BNIPL: variants seen among roughly 807,000 people sequenced by gnomAD.
The protein encoded by BNIPL is BCL2 interacting protein like, also known as bcl-2/adenovirus E1B 19 kDa-interacting protein 2-like protein.
A neutral mutation model predicts 47.0 loss-of-function variants in BNIPL; 33 were observed. That is an observed-to-expected ratio of 0.70 (90% CI 0.53 to 0.94). The LOEUF is 0.94. Ranked by LOEUF, BNIPL falls within the 40% of genes least tolerant of loss-of-function variation. BNIPL has a pLI of 0.00. For missense variants in BNIPL, 404 were observed against 445.2 expected, an observed-to-expected ratio of 0.91 and a Z score of 0.83; for synonymous variants, 145 against 162.7, an observed-to-expected ratio of 0.89 and a Z score of 0.83.
At position 151,038,508 on chromosome 1, in the gene BNIPL, C is replaced by T; in HGVS notation, c.142C>T (p.Leu48Phe). ...EWQDEEFPRL[L>F]PEEAGTSEDP... Reference sequence around the variant, plus strand: ...TTTTAATCTCTTCCCCTCTAGATTGCTTCCTGAGGAGGCTGGCACTTCTGA... The same window carrying T: ...TTTTAATCTCTTCCCCTCTAGATTGTTTCCTGAGGAGGCTGGCACTTCTGA... The change falls in exon 3 of 10, where the codon CTT becomes TTT. Residue 48 changes from leucine to phenylalanine, a missense_variant. By Grantham distance (22) the Leu-to-Phe change is conservative. Coordinates refer to ENST00000368931, the MANE Select transcript of BNIPL (RefSeq NM_138278.4). 9 of 1,612,102 alleles carry T rather than the reference C, an allele frequency of 5.6e-6. No homozygotes were observed. The highest frequency in any genetic ancestry group is 2.2e-5 in the South Asian group (2 of 91,038).
chr1:151,036,834 C>A, intron 1 of BNIPL, 68 bp downstream of exon 1: 1 of 1,465,748 alleles, frequency 6.8e-7, no homozygotes, highest in Non-Finnish European at 9.6e-7. Context: ...TTCCCCACCA[C>A]CCAGCTCTTA....
In BNIPL at chr1:151,046,777, T is replaced by G; in HGVS notation, c.*90T>G. 8.8e-7 allele frequency: 1 copy of G among 1,138,518 alleles called. No homozygotes were observed. Among genetic ancestry groups the G allele is most frequent in the Admixed American group, 2.0e-5 (1 of 48,984 alleles). The allele number at this position is 1,138,518 out of a possible 1,614,324, so 70.5% of individuals were successfully genotyped here. On this transcript the variant is annotated 3_prime_UTR_variant, in exon 10 of 10. Transcript: ENST00000368931. The stretch of plus-strand genomic sequence containing the variant: ...ATCTGAACTGTTTTGTAAATCATCT[T>G]ATCCCCAACCTCAGTACCACCGGAT...
In BNIPL at chr1:151,036,854, A is replaced by G. The variant is rs1675616799; in HGVS notation, c.41+88A>G. On this transcript the variant is annotated intron_variant, in intron 1 of 9. Coordinates refer to ENST00000368931, the MANE Select transcript of BNIPL (RefSeq NM_138278.4). ...CACCACCCAGCTCTTACTGGGTCAAATCTCGGGTTCCTCAAGGAGACAAGA... is the reference window on the plus strand; with the variant it reads ...CACCACCCAGCTCTTACTGGGTCAAGTCTCGGGTTCCTCAAGGAGACAAGA... 4.5e-6 allele frequency: 6 copies of G among 1,331,620 alleles called. No individual in the cohort carries two copies. In the African/African-American group the frequency reaches 7.2e-5, roughly 16 times the overall value. The allele number at this position is 1,331,620 out of a possible 1,614,324, so 82.5% of individuals were successfully genotyped here.
intron 4 of BNIPL, 120 bp from the exon 5 acceptor site, chr1:151,042,836 A>C: frequency 6.3e-6 from 5 of 792,506 alleles, no homozygotes; most frequent in Non-Finnish European, 9.5e-6. Context: ...AAAAAAAAAG[A>C]ATCAAGGAAA....
At chr1:151,044,920 A>G in intron 7 of BNIPL, 2 of 1,290,638 alleles carry the variant, frequency 1.5e-6, no homozygotes, top group South Asian at 1.2e-5. Flanking sequence ...ATGTAGAAGC[A>G]TGCAAAAGGA....
At position 151,047,311 on chromosome 1, in the gene BNIPL, T is replaced by G. The variant is rs1287882779; in HGVS notation, c.*624T>G. 1 of 153,474 alleles carries G rather than the reference T, an allele frequency of 6.5e-6. No homozygotes were observed. Among genetic ancestry groups the G allele is most frequent in the African/African-American group, 2.4e-5 (1 of 41,436 alleles). 9.5% of individuals were successfully genotyped at this position (153,474 alleles called of 1,614,324 possible). On this transcript the variant is annotated 3_prime_UTR_variant, in exon 10 of 10. Coordinates refer to ENST00000368931, the MANE Select transcript of BNIPL (RefSeq NM_138278.4). ...AGCTGTAGAACCTTGGGCAAATAAC[T>G]TCATCTTTTTGGGTCCTAATTTTCC...
Position 151,038,796 on chromosome 1 carries a change from C to T in BNIPL, c.203C>T (p.Ala68Val). The T allele has an allele frequency of 6.4e-7, 1 of 1,572,152 alleles. No individual in the cohort carries two copies. Among genetic ancestry groups the T allele is most frequent in the East Asian group, 2.3e-5 (1 of 44,408 alleles). Reference protein sequence around the residue: ...PEDPKGDSQAAAGTPSTLALC... With the variant: ...PEDPKGDSQAVAGTPSTLALC... ...GTTCTCTTTTTCCCCCTTTCTCCAG[C>T]TGCAGGTACCCCCAGCACTTTAGCC... Residue 68 changes from alanine (A) to valine (V), a missense_variant and splice_region_variant, in exon 4 of 10, where the codon GCT becomes GTT. Transcript: ENST00000368931.
Position 151,043,616 on chromosome 1 carries a change from A to G in BNIPL, c.740A>G (p.Glu247Gly), listed in dbSNP as rs764682323. 3 of 1,611,766 alleles carry G rather than the reference A, an allele frequency of 1.9e-6. No homozygotes were observed. In the South Asian group the frequency reaches 3.3e-5, roughly 18 times the overall value. The change falls in exon 7 of 10, where the codon GAG becomes GGG. Residue 247 changes from glutamate (E) to glycine (G), a missense_variant. By Grantham distance (98) the Glu-to-Gly change is moderately conservative (BLOSUM62 -2). Transcript: ENST00000368931. ...HLFRYMVGTL[E>G]LLVAENYLLV... Reference sequence around the variant, plus strand: ...CCCAGGTATATGGTGGGAACTCTGGAGCTGCTAGTAGCTGAAAATTACCTG... The same window carrying G: ...CCCAGGTATATGGTGGGAACTCTGGGGCTGCTAGTAGCTGAAAATTACCTG...
At position 151,038,905 on chromosome 1, in the gene BNIPL, A is replaced by C. The variant is rs1675724752; in HGVS notation, c.312A>C (p.Gly104=). ...TGACTAAGGGGCCTGGAAATGATGGAGCTTCACCCACCCAGTCTGCACCTT... is the reference window on the plus strand; with the variant it reads ...TGACTAAGGGGCCTGGAAATGATGGCGCTTCACCCACCCAGTCTGCACCTT... The part of the protein sequence containing the change: ...LSLTKGPGND[G]ASPTQSAPSS... The change falls in exon 4 of 10, where the codon GGA becomes GGC. Residue 104 remains glycine, a synonymous_variant. Transcript: ENST00000368931. 2 of 1,614,034 alleles carry C rather than the reference A, an allele frequency of 1.2e-6. No individual in the cohort carries two copies. Among genetic ancestry groups the C allele is most frequent in the Non-Finnish European group, 1.7e-6 (2 of 1,179,974 alleles).
chr1:151,045,576 AAAATCTTGAGAGTTTTTTT>A, intron 7 of BNIPL: 3 of 790,356 alleles, frequency 3.8e-6, no homozygotes, highest in Non-Finnish European at 5.4e-6. Flanking sequence ...AAAAAAAAAA[AAAATCTTGAGAGTTTTTTT>A]AAAAATGAGG....
chr1:151,041,024 A>AT (rs796868259), intron 4 of BNIPL, among the ~76,000 whole-genome samples: 11 of 151,794 alleles, frequency 7.2e-5, no homozygotes, highest in Non-Finnish European at 1.2e-4. Flanking sequence ...TACAAAAAAA[A>AT]TTTTTTTTAA....
In BNIPL at chr1:151,037,788, G is replaced by A. The variant is rs975381933; in HGVS notation, c.137+126G>A. On this transcript the variant is annotated intron_variant, in intron 2 of 9. Coordinates refer to ENST00000368931, the MANE Select transcript of BNIPL (RefSeq NM_138278.4). Reference sequence around the variant, plus strand: ...GGCCGAGGCGGGTGGATCACCTGAGGTCAGGAGTTTGAGACCAGCCTGACC... The same window carrying A: ...GGCCGAGGCGGGTGGATCACCTGAGATCAGGAGTTTGAGACCAGCCTGACC... 70 of 697,766 alleles carry A rather than the reference G, an allele frequency of 1.0e-4. No homozygotes were observed. The Admixed American group carries it at 1.6e-3, about 16-fold the overall frequency. 43.2% of individuals were successfully genotyped at this position (697,766 alleles called of 1,614,324 possible).
chr1:151,044,269 G>A lies in BNIPL; in HGVS notation c.851+542G>A, dbSNP rs1675930083. ...CAAAATGCTGAGATTATAGGCATGA[G>A]CCACTGCACCCGGCCACTTCAGCTT... On this transcript the variant is annotated intron_variant, in intron 7 of 9. Transcript: ENST00000368931. Among the ~76,000 whole-genome samples the A allele has an allele frequency of 2.0e-5, 3 of 152,226 alleles. No homozygotes were observed. The South Asian group carries it at 6.2e-4, about 31-fold the overall frequency.
At position 151,036,651 on chromosome 1, in the gene BNIPL, GTGT is replaced by G; in HGVS notation, c.-72_-70del. ...GCTGAGACAGAAAAGAGGTAAGGAA[GTGT>G]TGGGGGCTGGGACAACCAGCTCCCC... is the stretch of plus-strand genomic sequence containing the variant. On this transcript the variant is annotated 5_prime_UTR_variant, in exon 1 of 10. Transcript: ENST00000368931. 7 of 1,319,766 alleles carry G rather than the reference GTGT, an allele frequency of 5.3e-6. No individual in the cohort carries two copies. The highest frequency in any genetic ancestry group is 7.7e-6 in the Non-Finnish European group (7 of 912,950). 81.8% of individuals were successfully genotyped at this position (1,319,766 alleles called of 1,614,324 possible).
chr1:151,037,338 A>G, intron 1 of BNIPL: 1 of 1,242,566 alleles, frequency 8.0e-7, no homozygotes, highest in Non-Finnish European at 1.0e-6. Context: ...TACAGAGGTA[A>G]ATATGATTAA....
intron 4 of BNIPL, among the ~76,000 whole-genome samples, 189 bp downstream of exon 4, chr1:151,039,215 G>T (rs1675737675): frequency 6.6e-6 from 1 of 152,086 alleles, no homozygotes; most frequent in Admixed American, 6.6e-5. Context: ...GAGGGGGAGG[G>T]GAGCCCATTG....
Position 151,038,804 on chromosome 1 carries a change from AC to A in BNIPL, c.216del (p.Ser73AlafsTer3). On this transcript the variant is annotated frameshift_variant, in exon 4 of 10. Transcript: ENST00000368931. LOFTEE classifies it high-confidence loss of function. The part of the protein sequence containing the change: ...PKGDSQAAAG[T>X]PSTLALCGQR... The stretch of plus-strand genomic sequence containing the variant: ...TTTCCCCCTTTCTCCAGCTGCAGGT[AC>A]CCCCAGCACTTTAGCCCTGTGTGGC... 6.3e-7 allele frequency: 1 copy of A among 1,576,626 alleles called. No individual in the cohort carries two copies. Among genetic ancestry groups the A allele is most frequent in the Non-Finnish European group, 8.6e-7 (1 of 1,161,202 alleles).
In BNIPL at chr1:151,046,065, A is replaced by T. The variant is rs755358962; in HGVS notation, c.939-2A>T. On this transcript the variant is annotated splice_acceptor_variant, in intron 8 of 9. Transcript: ENST00000368931. LOFTEE classifies it high-confidence loss of function. ...CACAGTTGATTTATTCTCTCTTTTCAGTTCCAAATTCACACGAAAAATCCG... is the reference window on the plus strand; with the variant it reads ...CACAGTTGATTTATTCTCTCTTTTCTGTTCCAAATTCACACGAAAAATCCG... 1 of 1,614,032 alleles carries T rather than the reference A, an allele frequency of 6.2e-7. No homozygotes were observed. Among genetic ancestry groups the T allele is most frequent in the African/African-American group, 1.3e-5 (1 of 74,902 alleles).
At chr1:151,038,414 T>G (rs587644269) in intron 2 of BNIPL, 90 bp from the exon 3 acceptor site, 1 of 956,426 alleles carries the variant, frequency 1.0e-6, no homozygotes, top group East Asian at 2.4e-5. Context: ...GGTGATAAAA[T>G]CATGGTGGGG....
Sources: allele counts gnomAD v4.1 joint callset (sites outside exome capture counted in the v4.1 genomes callset), GRCh38; gene constraint gnomAD v4.1.1; transcripts MANE v1.5; gene names NCBI Gene and HGNC (gene_info 2026-07-23, HGNC 2026-07-21).